The following MARCHF1 variants were observed in gnomAD, a reference collection of about 807,000 sequenced individuals.
The protein encoded by MARCHF1 is membrane associated ring-CH-type finger 1.
Under a neutral mutation model 54.2 loss-of-function variants are expected in MARCHF1, and 40 were observed. That is an observed-to-expected ratio of 0.74 (90% CI 0.57 to 0.96). The LOEUF (loss-of-function observed/expected upper bound fraction) is 0.96, where lower values mean the gene tolerates loss of function less well. Among genes scored for constraint, MARCHF1 ranks in the 40% least tolerant of loss-of-function variants. The pLI is 0.00. For missense variants in MARCHF1, 586 were observed against 656.5 expected, an observed-to-expected ratio of 0.89 and a Z score of 1.17; for synonymous variants, 236 against 236.3, an observed-to-expected ratio of 1.00 and a Z score of 0.01.
intron 4 of MARCHF1, among the ~76,000 whole-genome samples, chr4:163,734,844 C>T (rs1745986803): frequency 1.3e-5 from 2 of 152,076 alleles, no homozygotes; most frequent in African/African-American, 4.8e-5. Context: ...ATGTCAGTTG[C>T]ACTTCAATAA....
At chr4:163,807,260 CT>C (rs1172132641) in intron 4 of MARCHF1, among the ~76,000 whole-genome samples, 1 of 152,102 alleles carries the variant, frequency 6.6e-6, no homozygotes, top group Non-Finnish European at 1.5e-5. Context: ...AAATTTATCA[CT>C]GACAAAAAGA....
chr4:163,832,504 T>C (rs1451991289), intron 4 of MARCHF1, among the ~76,000 whole-genome samples: 1 of 152,050 alleles, frequency 6.6e-6, no homozygotes, highest in East Asian at 1.9e-4. Flanking sequence ...TTAGCAAAAC[T>C]AGAAAGGTCT....
intron 2 of MARCHF1, among the ~76,000 whole-genome samples, chr4:164,069,713 T>C (rs1217265715): frequency 6.6e-6 from 1 of 152,132 alleles, no homozygotes; most frequent in African/African-American, 2.4e-5. Context: ...GGCTTCATTC[T>C]TGAAGTCAGT....
intron 7 of MARCHF1, among the ~76,000 whole-genome samples, chr4:163,594,309 T>C (rs985112776): frequency 3.3e-5 from 5 of 152,002 alleles, no homozygotes; most frequent in African/African-American, 1.2e-4. Flanking sequence ...GAAAAGAGCA[T>C]GAAAGTTCTT....
rs1560823842 is a variant in MARCHF1, at chr4:163,929,972, A to ATT, written c.-39+58528_-39+58529insAA. Among the ~76,000 whole-genome samples, 42 of 115,644 alleles carry ATT rather than the reference A, an allele frequency of 3.6e-4. 1 individual carries two copies. In the South Asian group the frequency reaches 1.0e-2, roughly 27 times the overall value. The allele number at this position is 115,644 out of a possible 152,430, so 75.9% of individuals were successfully genotyped here. A position where few individuals can be genotyped will look rare whatever the true frequency, so the allele number is the denominator to read the frequency against. On this transcript the variant is annotated intron_variant, in intron 3 of 9. Transcript: ENST00000514618. ...TATATATATTATATATAATATATAT[A>ATT]ATATATATAATATATATATAATATA...
At chr4:163,635,679 G>A (rs1313331887) in intron 5 of MARCHF1, among the ~76,000 whole-genome samples, 4 of 151,076 alleles carry the variant, frequency 2.6e-5, no homozygotes, top group Non-Finnish European at 4.4e-5. Flanking sequence ...GGAGGAACTG[G>A]TACCATTCCT....
chr4:164,371,207 G>T (rs1423587440), intron 1 of MARCHF1, among the ~76,000 whole-genome samples: 1 of 152,098 alleles, frequency 6.6e-6, no homozygotes, highest in Non-Finnish European at 1.5e-5. Context: ...TGTACCTTTT[G>T]TGGTGGGGGG....
At chr4:164,168,345 A>G (rs1430840817) in intron 1 of MARCHF1, among the ~76,000 whole-genome samples, 2 of 152,104 alleles carry the variant, frequency 1.3e-5, no homozygotes, top group Non-Finnish European at 2.9e-5. Context: ...TGGTACAGCC[A>G]TTAATTAAAA....
intron 4 of MARCHF1, among the ~76,000 whole-genome samples, chr4:163,790,948 G>A (rs941712745): frequency 3.9e-5 from 6 of 152,012 alleles, no homozygotes; most frequent in South Asian, 2.1e-4. Context: ...CTGCAATAAC[G>A]CACTTACCAT....
rs1560940556 is a variant in MARCHF1 at position 164,176,972 on chromosome 4, CTCTCTCTCT to C, written c.-322-65319_-322-65311del. On this transcript the variant is annotated intron_variant, in intron 1 of 9. Coordinates refer to ENST00000514618, the MANE Select transcript of MARCHF1 (RefSeq NM_001394959.1). ...TCTCTCTCTCTCTCTCTCTCTCTCT[CTCTCTCTCT>C]ATATATATATATATATATATATATA... Among the ~76,000 whole-genome samples, 267 of 56,088 alleles carry C rather than the reference CTCTCTCTCT, an allele frequency of 4.8e-3. 7 individuals carry two copies. Among genetic ancestry groups the C allele is most frequent in the African/African-American group, 7.9e-3 (92 of 11,616 alleles). 36.8% of individuals were successfully genotyped at this position (56,088 alleles called of 152,430 possible).
At chr4:164,188,428 G>A (rs529026571) in intron 1 of MARCHF1, 2 of 594,970 alleles carry the variant, frequency 3.4e-6, no homozygotes, top group East Asian at 6.0e-5. Context: ...TACTCGGTGA[G>A]GCGTGGTTCG....
intron 4 of MARCHF1, among the ~76,000 whole-genome samples, chr4:163,810,831 C>T (rs1054371283): frequency 6.6e-6 from 1 of 151,988 alleles, no homozygotes; most frequent in Non-Finnish European, 1.5e-5. Context: ...CAAGAAGTCA[C>T]GTTGAAGCCA....
At position 164,354,168 on chromosome 4, in the gene MARCHF1, G is replaced by A. The variant is rs1487912264; in HGVS notation, c.-323+29702C>T. Reference sequence around the variant, plus strand: ...TCCAGGACCAGATGGATTCACAGCCGAATTCTACCAGAGGTACAAGGAGGA... The same window carrying A: ...TCCAGGACCAGATGGATTCACAGCCAAATTCTACCAGAGGTACAAGGAGGA... On this transcript the variant is annotated intron_variant, in intron 1 of 9. Coordinates refer to ENST00000514618, the MANE Select transcript of MARCHF1 (RefSeq NM_001394959.1). 2.4e-4 allele frequency among the ~76,000 whole-genome samples: 25 copies of A among 104,854 alleles called. 4 individuals are homozygous for A. The highest frequency in any genetic ancestry group is 8.4e-4 in the African/African-American group (25 of 29,642). 68.8% of individuals were successfully genotyped at this position (104,854 alleles called of 152,430 possible).
intron 3 of MARCHF1, among the ~76,000 whole-genome samples, chr4:163,917,777 C>T (rs1354184695): frequency 6.6e-6 from 1 of 152,008 alleles, no homozygotes; most frequent in Non-Finnish European, 1.5e-5. Context: ...TTCTCTCTCT[C>T]ACCGCTTATA....
At chr4:164,254,872 CT>C (rs1733234230) in intron 1 of MARCHF1, among the ~76,000 whole-genome samples, 1 of 152,180 alleles carries the variant, frequency 6.6e-6, no homozygotes, top group African/African-American at 2.4e-5. Context: ...AAATGTTAGT[CT>C]CTTTTGGCAA....
At chr4:163,574,923 A>G (rs976462660) in intron 8 of MARCHF1, among the ~76,000 whole-genome samples, 1 of 151,562 alleles carries the variant, frequency 6.6e-6, no homozygotes, top group Non-Finnish European at 1.5e-5. Flanking sequence ...CCATTTTCAC[A>G]ATATTGATTC....
At chr4:163,694,813 G>C (rs147562948) in intron 5 of MARCHF1, among the ~76,000 whole-genome samples, 1 of 152,084 alleles carries the variant, frequency 6.6e-6, no homozygotes, top group Non-Finnish European at 1.5e-5. Flanking sequence ...CGCCCAAGGA[G>C]TGAGTGTATA....
chr4:164,265,798 AT>A (rs1733596673), intron 1 of MARCHF1, among the ~76,000 whole-genome samples: 1 of 151,878 alleles, frequency 6.6e-6, no homozygotes, highest in Admixed American at 6.6e-5. Context: ...TTCCTGGAGT[AT>A]TTTTCCCCTG....
intron 5 of MARCHF1, among the ~76,000 whole-genome samples, chr4:163,671,368 C>T (rs34575202): frequency 0.14 from 20,544 of 152,082 alleles, 1,690 homozygotes; most frequent in East Asian, 0.33. Flanking sequence ...ACTCACAGTA[C>T]GGGAATAGCT....
Sources: allele counts gnomAD v4.1 joint callset (sites outside exome capture counted in the v4.1 genomes callset), GRCh38; gene constraint gnomAD v4.1.1; transcripts MANE v1.5; gene names NCBI Gene and HGNC (gene_info 2026-07-23, HGNC 2026-07-21).